PLEKHG1: variants seen among roughly 807,000 people sequenced by gnomAD.
PLEKHG1 encodes the protein pleckstrin homology domain-containing family G member 1.
Under a neutral mutation model 100.8 loss-of-function variants are expected in PLEKHG1, and 44 were observed. The ratio of observed to expected loss-of-function variants is 0.44; its 90% confidence interval spans 0.34 to 0.56. The LOEUF (loss-of-function observed/expected upper bound fraction) is 0.56, where lower values mean the gene tolerates loss of function less well. Among genes scored for constraint, PLEKHG1 ranks in the 20% least tolerant of loss-of-function variants. The pLI is 0.01. For synonymous variants in PLEKHG1, 640 were observed against 662.5 expected (o/e 0.97, Z 0.52); for missense variants, 1,545 against 1,720.9 (o/e 0.90, Z 1.81).
chr6:150,780,856 A>G (rs1785268391), intron 3 of PLEKHG1, among the ~76,000 whole-genome samples: 1 of 151,966 alleles, frequency 6.6e-6, no homozygotes, highest in Non-Finnish European at 1.5e-5. Context: ...TTACTCCAAA[A>G]GCAGGGGGTT....
At chr6:150,641,876 C>CAAAAAGAAAAA (rs1778277394) in intron 2 of PLEKHG1, among the ~76,000 whole-genome samples, 1 of 76,798 alleles carries the variant, frequency 1.3e-5, no homozygotes, top group Non-Finnish European at 2.2e-5. Context: ...TGTGAAAAGG[C>CAAAAAGAAAAA]AAAAAAAAAA....
intron 2 of PLEKHG1, among the ~76,000 whole-genome samples, chr6:150,644,332 G>GGGTTTTTTTTTTTTTT (rs1562404967): frequency 1.0e-5 from 1 of 96,560 alleles, no homozygotes; most frequent in Admixed American, 1.2e-4. Flanking sequence ...TTTTCTTTTC[G>GGGTTTTTTTTTTTTTT]TGTTTTTTTT....
rs397888221 is a variant in PLEKHG1, at chr6:150,734,980, A to ATTT, written c.411+909_411+911dup. Among the ~76,000 whole-genome samples the ATTT allele has an allele frequency of 2.7e-3, 281 of 102,868 alleles. 4 individuals carry two copies. The East Asian group carries it at 0.04, about 15-fold the overall frequency. 67.5% of individuals were successfully genotyped at this position (102,868 alleles called of 152,430 possible). ...AAAAATATTACTATCTCAAGGGCAGATTTTTTTTTTTTTTTTTTTTTTTGA... is the reference window on the plus strand; with the variant it reads ...AAAAATATTACTATCTCAAGGGCAGATTTTTTTTTTTTTTTTTTTTTTTTTTGA... On this transcript the variant is annotated intron_variant, in intron 2 of 15. Transcript: ENST00000358517.
intron 1 of PLEKHG1, among the ~76,000 whole-genome samples, chr6:150,634,088 C>CAA (rs151328669): frequency 1.7e-4 from 25 of 149,584 alleles, no homozygotes; most frequent in Middle Eastern, 3.4e-3. Context: ...CTAACAACAA[C>CAA]AAAAAAAAAT....
intron 11 of PLEKHG1, 103 bp from the exon 13 acceptor site, chr6:150,819,576 A>G: frequency 1.8e-6 from 1 of 548,068 alleles, no homozygotes; most frequent in Non-Finnish European, 3.3e-6. Context: ...AAAAATAATA[A>G]TAATAATAAT....
intron 3 of PLEKHG1, among the ~76,000 whole-genome samples, chr6:150,781,918 C>G (rs937427406): frequency 6.6e-6 from 1 of 151,578 alleles, no homozygotes; most frequent in Non-Finnish European, 1.5e-5. Context: ...ACTACAGGTG[C>G]CTGCCACCAC....
In PLEKHG1 at chr6:150,821,837, T is replaced by A. The variant is rs866792017; in HGVS notation, c.1447+604T>A. On this transcript the variant is annotated intron_variant, in intron 13 of 15. Transcript: ENST00000358517. ...AAAAGACAGAGGACTCTTTTATTTT[T>A]TTTTTTATTTTTTTATTTTTTGAGA... 7.4e-3 allele frequency among the ~76,000 whole-genome samples: 1,114 copies of A among 151,230 alleles called. 16 individuals are homozygous for A. Among genetic ancestry groups the A allele is most frequent in the African/African-American group, 0.025 (1,042 of 41,360 alleles).
chr6:150,617,101 T>G (rs374212996), intron 1 of PLEKHG1, among the ~76,000 whole-genome samples: 63 of 152,368 alleles, frequency 4.1e-4, no homozygotes, highest in African/African-American at 1.2e-3. Context: ...TTTCTTGCAT[T>G]GCATATTCCC....
chr6:150,610,748 G>A (rs921698012), intron 1 of PLEKHG1, among the ~76,000 whole-genome samples: 4 of 152,190 alleles, frequency 2.6e-5, no homozygotes, highest in African/African-American at 4.8e-5. Flanking sequence ...ATGATTTTCT[G>A]TAATGGGAGT....
chr6:150,837,079 T>C (rs1777264190), intron 15 of PLEKHG1, among the ~76,000 whole-genome samples: 1 of 152,080 alleles, frequency 6.6e-6, no homozygotes, highest in South Asian at 2.1e-4. Flanking sequence ...GGAGAATCAC[T>C]TGAACCCAGG....
chr6:150,622,126 G>A (rs1777325180), intron 1 of PLEKHG1, among the ~76,000 whole-genome samples: 1 of 152,126 alleles, frequency 6.6e-6, no homozygotes, highest in African/African-American at 2.4e-5. Flanking sequence ...TCAGACGGAA[G>A]GGAGCAGAGA....
At chr6:150,798,642 T>C (rs1188805779) in intron 5 of PLEKHG1, among the ~76,000 whole-genome samples, 1 of 152,186 alleles carries the variant, frequency 6.6e-6, no homozygotes, top group Middle Eastern at 3.2e-3. Flanking sequence ...AATGCAATGG[T>C]GGAAGAGCAT....
At chr6:150,820,923 A>G (rs933472712) in intron 12 of PLEKHG1, among the ~76,000 whole-genome samples, 2 of 152,216 alleles carry the variant, frequency 1.3e-5, no homozygotes, top group Non-Finnish European at 1.5e-5. Context: ...AAGCTGAGGA[A>G]GCTGCTCTGC....
chr6:150,774,756 T>G (rs1418112623), intron 3 of PLEKHG1, among the ~76,000 whole-genome samples: 3 of 151,846 alleles, frequency 2.0e-5, no homozygotes, highest in Non-Finnish European at 4.4e-5. Flanking sequence ...GCCAGGCTGG[T>G]CACGAACTCC....
intron 3 of PLEKHG1, chr6:150,664,416 T>C (rs1779321721): frequency 6.6e-6 from 1 of 152,152 alleles, no homozygotes; most frequent in Admixed American, 6.5e-5. Context: ...AAGGAAGTGG[T>C]TACCTTGGGG....
At chr6:150,750,599 T>G (rs994104515) in intron 2 of PLEKHG1, among the ~76,000 whole-genome samples, 1 of 150,752 alleles carries the variant, frequency 6.6e-6, no homozygotes, top group African/African-American at 2.4e-5. Flanking sequence ...GCTAAAACGG[T>G]GAAACCCCGT....
chr6:150,767,065 C>T (rs759028284), intron 2 of PLEKHG1, among the ~76,000 whole-genome samples: 19 of 152,216 alleles, frequency 1.2e-4, no homozygotes, highest in East Asian at 1.9e-4. Flanking sequence ...ATTCACTGCA[C>T]ATTGAGTATT....
At chr6:150,654,328 T>A (rs1778876000) in intron 3 of PLEKHG1, among the ~76,000 whole-genome samples, 2 of 152,212 alleles carry the variant, frequency 1.3e-5, no homozygotes, top group South Asian at 4.1e-4. Flanking sequence ...AGAAATGGTA[T>A]GTTTTCCAGC....
At chr6:150,750,759 C>G (rs1444660680) in intron 2 of PLEKHG1, among the ~76,000 whole-genome samples, 1 of 105,762 alleles carries the variant, frequency 9.5e-6, no homozygotes, top group African/African-American at 5.0e-5. Context: ...CCAGCCTGGG[C>G]GACAGAGCGA....
Sources: allele counts gnomAD v4.1 joint callset (sites outside exome capture counted in the v4.1 genomes callset), GRCh38; gene constraint gnomAD v4.1.1; transcripts MANE v1.5; gene names NCBI Gene and HGNC (gene_info 2026-07-23, HGNC 2026-07-21).